SLC9A3: variants seen among roughly 807,000 people sequenced by gnomAD.
SLC9A3 encodes solute carrier family 9 member A3.
Under a neutral mutation model 86.8 loss-of-function variants are expected in SLC9A3, and 37 were observed. The observed-to-expected ratio is 0.43, with a 90% CI of 0.33 to 0.56. The LOEUF (loss-of-function observed/expected upper bound fraction) is 0.56, where lower values mean the gene tolerates loss of function less well. SLC9A3 is among the 20% of genes least tolerant of loss of function. SLC9A3 has a pLI of 0.06. For missense variants in SLC9A3, 1,011 were observed against 1,171.9 expected, an observed-to-expected ratio of 0.86 and a Z score of 2.00; for synonymous variants, 581 against 528.3, an observed-to-expected ratio of 1.10 and a Z score of -1.37.
rs1378142452 is a variant in SLC9A3, at chr5:484,813, ACT to A, written c.755-118_755-117del. The A allele has an allele frequency of 4.2e-6, 4 of 958,832 alleles. No homozygotes were observed. In the East Asian group the frequency reaches 1.0e-4, roughly 25 times the overall value. 59.4% of individuals were successfully genotyped at this position (958,832 alleles called of 1,614,324 possible). ...CCCGGGAAACGGGGGTGGATCCCTC[ACT>A]CTCTTGGAGATCGGGCCTGGTCTCA... On this transcript the variant is annotated intron_variant, in intron 4 of 16. Coordinates refer to ENST00000264938, the MANE Select transcript of SLC9A3 (RefSeq NM_004174.4).
intron 10 of SLC9A3, chr5:478,451 TGGGGTGGG>T (rs1470893094): frequency 1.1e-4 from 4 of 35,196 alleles, no homozygotes; most frequent in Middle Eastern, 0.01. Flanking sequence ...AGCCCTGCCG[TGGGGTGGG>T]GGGGCGCAGG....
chr5:481,665 CG>C, intron 8 of SLC9A3, 30 bp from the exon 9 acceptor site: 2 of 1,596,652 alleles, frequency 1.3e-6, no homozygotes, highest in Non-Finnish European at 8.6e-7. Context: ...ATGAGCGTCT[CG>C]GGGCGGCCAA....
rs1738357812 is a variant in SLC9A3 at position 471,547 on chromosome 5, C to T, written c.*1832G>A. ...TGTGCCGGGAAGGCCAGGCCCCGGC[C>T]TGCTCCGATGAACGTCAGGACGGTG... is the stretch of plus-strand genomic sequence containing the variant. On this transcript the variant is annotated 3_prime_UTR_variant, in exon 17 of 17. Coordinates refer to ENST00000264938, the MANE Select transcript of SLC9A3 (RefSeq NM_004174.4). 4 of 351,554 alleles carry T rather than the reference C, an allele frequency of 1.1e-5. No homozygotes were observed. The allele number at this position is 351,554 out of a possible 1,614,324, so 21.8% of individuals were successfully genotyped here.
At chr5:478,441 A>C (rs1738910202) in intron 10 of SLC9A3, 1 of 88,178 alleles carries the variant, frequency 1.1e-5, no homozygotes, top group Non-Finnish European at 2.3e-5. Flanking sequence ...GCCCCTGCCG[A>C]GCCCTGCCGT....
Position 491,003 on chromosome 5 carries a change from G to A in SLC9A3, c.514+766C>T, listed in dbSNP as rs532502443. Among the ~76,000 whole-genome samples the A allele has an allele frequency of 5.3e-5, 8 of 152,356 alleles. No individual in the cohort carries two copies. Among genetic ancestry groups the A allele is most frequent in the South Asian group, 2.1e-4 (1 of 4,832 alleles). On this transcript the variant is annotated intron_variant, in intron 2 of 16. Transcript: ENST00000264938. The surrounding 1 kb of genome is among the most constrained non-coding windows in gnomAD (Gnocchi z 9.2). ...GCCCCTTGATTCCCATGGAGAGGCC[G>A]GGCCGTGCTCTCTCTTGAACCAGAC... is the stretch of plus-strand genomic sequence containing the variant.
At chr5:517,236 T>C (rs1214174365) in intron 1 of SLC9A3, among the ~76,000 whole-genome samples, 1 of 127,004 alleles carries the variant, frequency 7.9e-6, no homozygotes. Flanking sequence ...CAGCCATCCA[T>C]CCATCTGTCC....
At position 492,745 on chromosome 5, in the gene SLC9A3, G is replaced by C. The variant is rs544657300; in HGVS notation, c.212-674C>G. Among the ~76,000 whole-genome samples the C allele has an allele frequency of 3.0e-4, 45 of 152,256 alleles. No individual in the cohort carries two copies. In the East Asian group the frequency reaches 7.9e-3, roughly 27 times the overall value. On this transcript the variant is annotated intron_variant, in intron 1 of 16. Transcript: ENST00000264938. Reference sequence around the variant, plus strand: ...AACTCGCTCTGTGCCTTTTGCCTTGGTGACCAAGGTCTGAGCTCACCCTGT... The same window carrying C: ...AACTCGCTCTGTGCCTTTTGCCTTGCTGACCAAGGTCTGAGCTCACCCTGT...
At chr5:523,486 C>T (rs116536252) in intron 1 of SLC9A3, among the ~76,000 whole-genome samples, 2,588 of 152,070 alleles carry the variant, frequency 0.017, 36 homozygotes, top group Middle Eastern at 0.034. Flanking sequence ...TTGATCCCCA[C>T]GAGCTCCTCA....
At position 496,500 on chromosome 5, in the gene SLC9A3, C is replaced by T. The variant is rs1247044888; in HGVS notation, c.212-4429G>A. On this transcript the variant is annotated intron_variant, in intron 1 of 16. Coordinates refer to ENST00000264938, the MANE Select transcript of SLC9A3 (RefSeq NM_004174.4). This position sits in a 1 kb window ranked among gnomAD's most constrained non-coding sequence, Gnocchi z 4.7. ...CCTTTCCTATTGACACGAGGTTCTT[C>T]GTAAGCTGGAAAATCCAGCCTTTGC... Among the ~76,000 whole-genome samples, 9 of 152,244 alleles carry T rather than the reference C, an allele frequency of 5.9e-5. No individual in the cohort carries two copies. The highest frequency in any genetic ancestry group is 5.9e-4 in the Admixed American group (9 of 15,292).
chr5:498,547 G>T (rs1049188504), intron 1 of SLC9A3, among the ~76,000 whole-genome samples: 1 of 152,170 alleles, frequency 6.6e-6, no homozygotes, highest in Non-Finnish European at 1.5e-5. Context: ...GATTACAGGC[G>T]TGCGCCACCA....
intron 1 of SLC9A3, among the ~76,000 whole-genome samples, chr5:522,961 G>T (rs1733927913): frequency 6.6e-6 from 1 of 152,062 alleles, no homozygotes; most frequent in African/African-American, 2.4e-5. Context: ...CAAGCCCCCA[G>T]TGGAAAGCCC....
At chr5:482,351 C>T (rs996456630) in intron 7 of SLC9A3, among the ~76,000 whole-genome samples, 194 bp from the exon 8 acceptor site, 2 of 152,116 alleles carry the variant, frequency 1.3e-5, no homozygotes, top group Non-Finnish European at 2.9e-5. Flanking sequence ...CAGCGAAGGC[C>T]CGGGAAGAAC....
rs1738722465 is a variant in SLC9A3, at chr5:476,231, G to A, written c.2038C>T (p.Leu680=). ...GLNQNKKAAK[L]YKRERAQKRR... ...TTCTGGGCACGCTCCCGCTTGTACAGCTTGGCCGCCTTCTTGTTCTGGTTG... is the reference window on the plus strand; with the variant it reads ...TTCTGGGCACGCTCCCGCTTGTACAACTTGGCCGCCTTCTTGTTCTGGTTG... Residue 680 remains leucine, a synonymous_variant, in exon 13 of 17, where the codon CTG becomes TTG. Transcript: ENST00000264938. 1 of 1,613,878 alleles carries A rather than the reference G, an allele frequency of 6.2e-7. No individual in the cohort carries two copies. Among genetic ancestry groups the A allele is most frequent in the South Asian group, 1.1e-5 (1 of 91,080 alleles).
intron 1 of SLC9A3, among the ~76,000 whole-genome samples, chr5:498,891 C>T (rs999142683): frequency 3.9e-5 from 6 of 152,176 alleles, no homozygotes; most frequent in African/African-American, 1.4e-4. Flanking sequence ...AGTCCTGCAG[C>T]GTCTCCTCTG....
intron 1 of SLC9A3, among the ~76,000 whole-genome samples, chr5:516,560 A>G (rs1227796692): frequency 1.3e-5 from 2 of 152,224 alleles, no homozygotes; most frequent in Admixed American, 1.3e-4. Flanking sequence ...TGGCAACATC[A>G]GGATGGGGCT....
At chr5:476,425 T>G in intron 12 of SLC9A3, 47 bp from the exon 13 acceptor site, 1 of 1,608,864 alleles carries the variant, frequency 6.2e-7, no homozygotes, top group Admixed American at 1.7e-5. Context: ...CCGCCGGACA[T>G]TCTCGCCCTC....
In SLC9A3 at chr5:516,755, T is replaced by C. The variant is rs1733743322; in HGVS notation, c.211+7357A>G. ...TGAGCCCAGATCTGCCAAAGTGCTCTGAGCCGATGCTGCAATTGCTTGTCA... is the reference window on the plus strand; with the variant it reads ...TGAGCCCAGATCTGCCAAAGTGCTCCGAGCCGATGCTGCAATTGCTTGTCA... On this transcript the variant is annotated intron_variant, in intron 1 of 16. Transcript: ENST00000264938. Among the ~76,000 whole-genome samples, 5 of 152,370 alleles carry C rather than the reference T, an allele frequency of 3.3e-5. 1 individual carries two copies. In the South Asian group the frequency reaches 1.0e-3, roughly 32 times the overall value.
At chr5:478,219 T>C (rs1170018052) in intron 10 of SLC9A3, 1 of 152,250 alleles carries the variant, frequency 6.6e-6, no homozygotes, top group East Asian at 1.9e-4. Context: ...TTGAGGGTCA[T>C]TGGTTCTGAG....
chr5:504,706 G>A lies in SLC9A3; in HGVS notation c.212-12635C>T, dbSNP rs1317480094. 6.6e-5 allele frequency among the ~76,000 whole-genome samples: 10 copies of A among 152,212 alleles called. No individual in the cohort carries two copies. The East Asian group carries it at 1.4e-3, about 21-fold the overall frequency. ...GGCACCGGGACCTGCACCCCTCAGC[G>A]CTGTGAGGCCACTGTCTCTAAACGT... On this transcript the variant is annotated intron_variant, in intron 1 of 16. Transcript: ENST00000264938.
Sources: allele counts gnomAD v4.1 joint callset (sites outside exome capture counted in the v4.1 genomes callset), GRCh38; gene constraint gnomAD v4.1.1; non-coding constraint Gnocchi (gnomAD v3.1); transcripts MANE v1.5; gene names NCBI Gene and HGNC (gene_info 2026-07-23, HGNC 2026-07-21).